ROBO2: variants seen among roughly 807,000 people sequenced by gnomAD.
ROBO2 encodes roundabout homolog 2.
In ROBO2, 53 loss-of-function variants were observed where a neutral mutation model predicts 160.8. The ratio of observed to expected loss-of-function variants is 0.33; its 90% CI spans 0.26 to 0.41. The LOEUF (loss-of-function observed/expected upper bound fraction) is 0.41. Ranked by LOEUF, ROBO2 falls within the 10% of genes least tolerant of loss-of-function variation. The pLI, the probability that ROBO2 is intolerant of heterozygous loss-of-function variation, is 1.00. For synonymous variants in ROBO2, 664 were observed against 611.7 expected, an observed-to-expected ratio of 1.09 and a Z score of -1.26; for missense variants, 1,577 against 1,722.4, an observed-to-expected ratio of 0.92 and a Z score of 1.49.
intron 2 of ROBO2, among the ~76,000 whole-genome samples, chr3:76,323,605 C>T (rs906600706): frequency 3.3e-5 from 5 of 152,004 alleles, no homozygotes; most frequent in South Asian, 2.1e-4. Flanking sequence ...TGGAGAGTAT[C>T]GTTTCCAGAT....
chr3:76,271,057 G>T (rs1158675611), intron 2 of ROBO2, among the ~76,000 whole-genome samples: 2 of 151,992 alleles, frequency 1.3e-5, no homozygotes, highest in African/African-American at 4.8e-5. Context: ...ATCTTGAATA[G>T]CCACTGCTAC....
At chr3:77,575,970 T>G (rs1182825645) in intron 14 of ROBO2, among the ~76,000 whole-genome samples, 1 of 152,064 alleles carries the variant, frequency 6.6e-6, no homozygotes, top group Non-Finnish European at 1.5e-5. Context: ...CTGGGCTGTG[T>G]CTGGGAATGA....
chr3:75,956,470 G>A (rs1248494940), intron 2 of ROBO2, among the ~76,000 whole-genome samples: 1 of 151,638 alleles, frequency 6.6e-6, no homozygotes, highest in African/African-American at 2.4e-5. Context: ...TTTCCAGTGA[G>A]TCATTTTTTA....
chr3:76,926,043 A>G (rs1243897788), intron 2 of ROBO2, among the ~76,000 whole-genome samples: 2 of 152,174 alleles, frequency 1.3e-5, no homozygotes, highest in African/African-American at 4.8e-5. Flanking sequence ...TTTCTGTCTC[A>G]GTCTAATATG....
intron 2 of ROBO2, among the ~76,000 whole-genome samples, chr3:76,478,624 C>T (rs1577485160): frequency 6.6e-6 from 1 of 151,098 alleles, no homozygotes; most frequent in East Asian, 1.9e-4. Flanking sequence ...ATTAAATGTG[C>T]ATTAAACAGT....
intron 2 of ROBO2, among the ~76,000 whole-genome samples, chr3:76,181,228 T>C (rs1477180476): frequency 1.3e-5 from 2 of 152,072 alleles, no homozygotes; most frequent in African/African-American, 2.4e-5. Context: ...AATGTAAAAT[T>C]CCACAACAAA....
rs1388555599 is a variant in ROBO2 at position 76,419,823 on chromosome 3, CATA to C, written c.109+482226_109+482228del. On this transcript the variant is annotated intron_variant, in intron 2 of 26. Coordinates refer to the ROBO2 transcript ENST00000487694. ...ATTTCCAATGTTATATGATTATATT[CATA>C]ATAAGTGTTCATTTGATATTCAATG... Among the ~76,000 whole-genome samples the C allele has an allele frequency of 2.0e-5, 3 of 152,196 alleles. No homozygotes were observed. In the East Asian group the frequency reaches 5.8e-4, roughly 29 times the overall value.
chr3:76,509,727 A>G (rs918592372), intron 2 of ROBO2, among the ~76,000 whole-genome samples: 1 of 152,200 alleles, frequency 6.6e-6, no homozygotes, highest in African/African-American at 2.4e-5. Context: ...CCAGGTAAAC[A>G]TCTGCCATGA....
chr3:77,445,264 A>T (rs1406774373), intron 2 of ROBO2, among the ~76,000 whole-genome samples: 1 of 152,170 alleles, frequency 6.6e-6, no homozygotes, highest in African/African-American at 2.4e-5. Context: ...AATTTAAGGA[A>T]AAATATGAAA....
intron 2 of ROBO2, among the ~76,000 whole-genome samples, chr3:76,287,497 A>G (rs1475456945): frequency 6.6e-6 from 1 of 152,024 alleles, no homozygotes; most frequent in Non-Finnish European, 1.5e-5. Flanking sequence ...ACAGGGTTTC[A>G]TCATGTTGGC....
chr3:76,470,371 T>C (rs1391111691), intron 2 of ROBO2, among the ~76,000 whole-genome samples: 1 of 152,190 alleles, frequency 6.6e-6, no homozygotes, highest in East Asian at 1.9e-4. Context: ...CAGTTCTTGC[T>C]TGGGGTCCTT....
At chr3:76,772,863 A>T (rs1405389846) in intron 2 of ROBO2, among the ~76,000 whole-genome samples, 2 of 151,186 alleles carry the variant, frequency 1.3e-5, no homozygotes, top group Non-Finnish European at 3.0e-5. Flanking sequence ...GAAACAAAGA[A>T]ATTTGAATTG....
intron 2 of ROBO2, among the ~76,000 whole-genome samples, chr3:76,545,031 A>G (rs1034349707): frequency 4.6e-5 from 7 of 151,978 alleles, no homozygotes; most frequent in African/African-American, 1.7e-4. Context: ...CTTACACAGA[A>G]GATACAATCA....
intron 2 of ROBO2, among the ~76,000 whole-genome samples, chr3:77,391,155 G>A (rs2153500766): frequency 6.6e-6 from 1 of 152,102 alleles, no homozygotes. Flanking sequence ...TATTTACAAT[G>A]CCAAGTATTG....
intron 2 of ROBO2, among the ~76,000 whole-genome samples, chr3:76,257,930 A>G (rs1706506417): frequency 6.6e-6 from 1 of 152,188 alleles, no homozygotes; most frequent in Non-Finnish European, 1.5e-5. Flanking sequence ...GCCATTGGAA[A>G]ACAGACAAAA....
intron 2 of ROBO2, among the ~76,000 whole-genome samples, chr3:76,109,149 C>A (rs1168894769): frequency 6.6e-6 from 1 of 151,826 alleles, no homozygotes; most frequent in African/African-American, 2.4e-5. Context: ...AACTCACAAG[C>A]ACAATAAAGT....
At chr3:76,516,438 C>CA (rs1425386240) in intron 2 of ROBO2, among the ~76,000 whole-genome samples, 1 of 152,090 alleles carries the variant, frequency 6.6e-6, no homozygotes, top group Non-Finnish European at 1.5e-5. Context: ...TGACCCCGAA[C>CA]ACATTGTCGT....
intron 1 of ROBO2, chr3:77,091,909 G>A (rs1009905405): frequency 6.6e-6 from 1 of 151,942 alleles, no homozygotes; most frequent in African/African-American, 2.4e-5. Context: ...CAACCTGGGA[G>A]ACGGAGGTTG....
At chr3:77,376,526 A>C (rs1300585474) in intron 2 of ROBO2, among the ~76,000 whole-genome samples, 1 of 152,116 alleles carries the variant, frequency 6.6e-6, no homozygotes, top group Non-Finnish European at 1.5e-5. Flanking sequence ...TACAGTTAAA[A>C]TATCACAAGG....
Sources: gnomAD v4.1 joint callset for allele counts (sites outside exome capture counted in the v4.1 genomes callset) on GRCh38, gnomAD v4.1.1 for gene constraint, MANE v1.5 for transcripts, NCBI Gene and HGNC (gene_info 2026-07-23, HGNC 2026-07-21) for gene names.